The following OPCML variants were observed in gnomAD, a reference collection of about 807,000 sequenced individuals.
OPCML encodes the protein opioid-binding protein/cell adhesion molecule.
OPCML carries 13 observed loss-of-function variants against 37.8 expected under a neutral mutation model. The ratio of observed to expected loss-of-function variants is 0.34; its 90% confidence interval spans 0.22 to 0.55. OPCML has a LOEUF of 0.55. Among genes scored for constraint, OPCML ranks in the 20% least tolerant of loss-of-function variants. The probability of loss-of-function intolerance (pLI) is 0.91; values close to 1 mark genes in which losing one functional copy is unlikely to be tolerated. For synonymous variants in OPCML, 176 were observed against 168.8 expected, an observed-to-expected ratio of 1.04 and a Z score of -0.33; for missense variants, 341 against 435.6, an observed-to-expected ratio of 0.78 and a Z score of 1.93.
In OPCML at chr11:132,692,132, G is replaced by A. The variant is rs58743948; in HGVS notation, c.147-34813C>T. On this transcript the variant is annotated intron_variant, in intron 2 of 7. Coordinates refer to ENST00000524381, the MANE Select transcript of OPCML (RefSeq NM_001012393.5). The stretch of plus-strand genomic sequence containing the variant: ...CAGCAGAAGAAAAGCATCATTTATC[G>A]TAAGCAATGTTAGCAGACCTGAAAA... Among the ~76,000 whole-genome samples the A allele has an allele frequency of 9.8e-3, 1,496 of 152,030 alleles. 22 individuals are homozygous for A. The highest frequency in any genetic ancestry group is 0.034 in the African/African-American group (1,411 of 41,428).
At chr11:132,500,916 G>A (rs2096244182) in intron 4 of OPCML, among the ~76,000 whole-genome samples, 1 of 152,124 alleles carries the variant, frequency 6.6e-6, no homozygotes, top group African/African-American at 2.4e-5. Context: ...AGTATTCCGT[G>A]GTGTATATGT....
At chr11:133,028,534 T>C (rs1947607071) in intron 1 of OPCML, among the ~76,000 whole-genome samples, 1 of 147,512 alleles carries the variant, frequency 6.8e-6, no homozygotes, top group Non-Finnish European at 1.5e-5. Flanking sequence ...CGTGTGTGTG[T>C]GTGTGTGTGT....
intron 1 of OPCML, among the ~76,000 whole-genome samples, chr11:133,371,912 A>G (rs1434460182): frequency 6.6e-6 from 1 of 152,216 alleles, no homozygotes; most frequent in South Asian, 2.1e-4. Context: ...AAGTGAAAGA[A>G]GACAGGCACA....
chr11:132,632,629 G>C (rs1214109026), intron 3 of OPCML, among the ~76,000 whole-genome samples: 1 of 152,068 alleles, frequency 6.6e-6, no homozygotes, highest in Non-Finnish European at 1.5e-5. Flanking sequence ...ATGATAGCCA[G>C]CCCGGTATAT....
intron 2 of OPCML, among the ~76,000 whole-genome samples, chr11:132,890,856 C>CAAAAAAAAAAAAAAAA (rs57246769): frequency 6.5e-5 from 3 of 46,452 alleles, no homozygotes; most frequent in Admixed American, 2.4e-4. Flanking sequence ...GACTCCATCT[C>CAAAAAAAAAAAAAAAA]AAAAAAAAAA....
chr11:132,673,258 T>C (rs1016676504), intron 2 of OPCML, among the ~76,000 whole-genome samples: 20 of 152,002 alleles, frequency 1.3e-4, no homozygotes, highest in African/African-American at 4.3e-4. Context: ...AGAGGTGATG[T>C]TCATGAGCAA....
chr11:133,171,580 GGA>G (rs1950289433), intron 1 of OPCML, among the ~76,000 whole-genome samples: 2 of 152,222 alleles, frequency 1.3e-5, no homozygotes, highest in South Asian at 4.1e-4. Context: ...ATATCCCACA[GGA>G]AGCCAGCGCT....
Position 133,222,055 on chromosome 11 carries a change from G to A in OPCML, c.62-279045C>T, listed in dbSNP as rs529299863. Among the ~76,000 whole-genome samples, 5 of 152,250 alleles carry A rather than the reference G, an allele frequency of 3.3e-5. No homozygotes were observed. In the South Asian group the frequency reaches 6.2e-4, roughly 19 times the overall value. ...CCCTCCCAAGCTCAGGGCAGTAATC[G>A]GACAGGCTTCAGAATCCCCAAATCT... is the stretch of plus-strand genomic sequence containing the variant. On this transcript the variant is annotated intron_variant, in intron 1 of 7. Coordinates refer to ENST00000524381, the MANE Select transcript of OPCML (RefSeq NM_001012393.5).
chr11:133,009,274 C>T (rs953882146), intron 1 of OPCML: 2 of 972,970 alleles, frequency 2.1e-6, no homozygotes, highest in Admixed American at 1.2e-4. Context: ...TGTTAAAATG[C>T]AATGGTACAT....
chr11:132,972,699 C>T (rs1056747937), intron 1 of OPCML, among the ~76,000 whole-genome samples: 2 of 152,192 alleles, frequency 1.3e-5, no homozygotes, highest in East Asian at 1.9e-4. Flanking sequence ...TAGCAATGCG[C>T]AAGGACCGTC....
chr11:133,293,898 ACACACACACAC>A (rs1565554563), intron 1 of OPCML, among the ~76,000 whole-genome samples: 15 of 143,064 alleles, frequency 1.0e-4, no homozygotes, highest in East Asian at 4.2e-4. Flanking sequence ...AAGACTTCAC[ACACACACACAC>A]ACACACACAC....
At chr11:133,131,307 C>G (rs781323692) in intron 1 of OPCML, among the ~76,000 whole-genome samples, 1 of 152,098 alleles carries the variant, frequency 6.6e-6, no homozygotes, top group Non-Finnish European at 1.5e-5. Flanking sequence ...AGTCACAGAC[C>G]TTACGTCTTT....
chr11:133,162,711 C>A (rs542781976), intron 1 of OPCML, among the ~76,000 whole-genome samples: 1 of 150,784 alleles, frequency 6.6e-6, no homozygotes, highest in Admixed American at 6.6e-5. Flanking sequence ...CTGTTTGTGT[C>A]AGCCGGAAAG....
At chr11:132,442,105 G>C (rs934493529) in intron 4 of OPCML, among the ~76,000 whole-genome samples, 3 of 152,168 alleles carry the variant, frequency 2.0e-5, no homozygotes, top group Non-Finnish European at 4.4e-5. Context: ...TGAGGGAATG[G>C]GGGCAGAGAC....
intron 2 of OPCML, among the ~76,000 whole-genome samples, chr11:132,856,452 G>C (rs968373749): frequency 2.0e-5 from 3 of 152,164 alleles, no homozygotes; most frequent in Non-Finnish European, 4.4e-5. Flanking sequence ...GTGTCTATCA[G>C]GTGATGGTCA....
At chr11:133,420,763 C>T in intron 1 of OPCML, 1 of 985,382 alleles carries the variant, frequency 1.0e-6, no homozygotes, top group Non-Finnish European at 1.2e-6. Flanking sequence ...AGAATTCAGC[C>T]TTCAAGTTGA....
Position 133,088,544 on chromosome 11 carries a change from G to A in OPCML, c.62-145534C>T, listed in dbSNP as rs181373267. 3.3e-3 allele frequency among the ~76,000 whole-genome samples: 500 copies of A among 152,274 alleles called. 5 individuals are homozygous for A. The highest frequency in any genetic ancestry group is 5.4e-3 in the Non-Finnish European group (366 of 68,022). On this transcript the variant is annotated intron_variant, in intron 1 of 7. Coordinates refer to ENST00000524381, the MANE Select transcript of OPCML (RefSeq NM_001012393.5). ...TTGTCATCTGTTTCTTTTGCCATTG[G>A]CTTCCAATGAATTGGGTTACAATAC...
At chr11:133,124,762 G>A (rs960595649) in intron 1 of OPCML, among the ~76,000 whole-genome samples, 1 of 152,016 alleles carries the variant, frequency 6.6e-6, no homozygotes, top group Non-Finnish European at 1.5e-5. Flanking sequence ...CCTCACCTCC[G>A]CCCTCCCATC....
rs947485574 is a variant in OPCML, at chr11:132,943,840, G to A, written c.62-830C>T. On this transcript the variant is annotated intron_variant, in intron 1 of 7. Coordinates refer to ENST00000524381, the MANE Select transcript of OPCML (RefSeq NM_001012393.5). The surrounding 1 kb of genome is among the most constrained non-coding windows in gnomAD (Gnocchi z 4.3). ...CTCCGGGGACGCGGCACGAGACGCG[G>A]GGACGCGCGGACGCCACGCTCAGCG... 16 of 150,646 alleles carry A rather than the reference G, an allele frequency of 1.1e-4. No homozygotes were observed. The highest frequency in any genetic ancestry group is 3.9e-4 in the African/African-American group (16 of 41,272). 9.3% of individuals were successfully genotyped at this position (150,646 alleles called of 1,614,324 possible). A position where few individuals can be genotyped will look rare whatever the true frequency, so the allele number is the denominator to read the frequency against.
Sources: gnomAD v4.1 joint callset for allele counts (sites outside exome capture counted in the v4.1 genomes callset) on GRCh38, gnomAD v4.1.1 for gene constraint, Gnocchi (gnomAD v3.1) non-coding constraint, MANE v1.5 for transcripts, NCBI Gene and HGNC (gene_info 2026-07-23, HGNC 2026-07-21) for gene names.